Variants in FBXL20 observed in about 807,000 individuals in gnomAD.
FBXL20 encodes F-box/LRR-repeat protein 20.
In FBXL20, 11 loss-of-function variants were observed where a neutral mutation model predicts 64.0. The ratio of observed to expected loss-of-function variants is 0.17; its 90% CI spans 0.11 to 0.28. FBXL20 has a LOEUF of 0.28. FBXL20 is among the 10% of genes least tolerant of loss of function. FBXL20 has a pLI of 1.00. For synonymous variants in FBXL20, 184 were observed against 189.0 expected (o/e 0.97, Z 0.22); for missense variants, 303 against 526.2 (o/e 0.58, Z 4.15).
At position 39,357,476 on chromosome 17, in the gene FBXL20, C is replaced by T. The variant is rs141009881; in HGVS notation, c.43-14235G>A. Among the ~76,000 whole-genome samples the T allele has an allele frequency of 2.4e-4, 36 of 152,194 alleles. No homozygotes were observed. In the East Asian group the frequency reaches 6.2e-3, roughly 26 times the overall value. On this transcript the variant is annotated intron_variant, in intron 1 of 14. Transcript: ENST00000264658. ...TCTGTATGTTTTCTCTGTCTCATAT[C>T]TTTTGTTCTTCTGTTCCTTTTATAT...
chr17:39,341,612 CCTT>C (rs1329162792), intron 2 of FBXL20, among the ~76,000 whole-genome samples: 2 of 152,148 alleles, frequency 1.3e-5, no homozygotes, highest in Admixed American at 6.6e-5. Flanking sequence ...TTCATATACT[CCTT>C]CTCCCATATA....
intron 6 of FBXL20, among the ~76,000 whole-genome samples, chr17:39,287,262 T>C (rs2046997523): frequency 1.3e-5 from 2 of 152,158 alleles, no homozygotes; most frequent in South Asian, 4.1e-4. Flanking sequence ...TATCATCTGA[T>C]ACTGAAATGT....
At chr17:39,315,841 G>C (rs950282162) in intron 2 of FBXL20, among the ~76,000 whole-genome samples, 4 of 84,726 alleles carry the variant, frequency 4.7e-5, no homozygotes, top group South Asian at 2.6e-4. Context: ...GAGAGAGAGA[G>C]AGAGAGAGAG....
rs149077754 is a variant in FBXL20, at chr17:39,359,341, C to T, written c.43-16100G>A. Among the ~76,000 whole-genome samples, 247 of 151,942 alleles carry T rather than the reference C, an allele frequency of 1.6e-3. 2 individuals carry two copies. Among genetic ancestry groups the T allele is most frequent in the South Asian group, 7.1e-3 (34 of 4,812 alleles). ...TGGGTGACACAGCAAGATCCTGTCT[C>T]AAAAACAAACAACAGAGGTGGGCCT... On this transcript the variant is annotated intron_variant, in intron 1 of 14. Coordinates refer to ENST00000264658, the MANE Select transcript of FBXL20 (RefSeq NM_032875.3).
chr17:39,304,914 G>A (rs762562720), intron 2 of FBXL20, among the ~76,000 whole-genome samples: 2 of 151,886 alleles, frequency 1.3e-5, no homozygotes, highest in African/African-American at 2.4e-5. Context: ...CCACTACCAC[G>A]CCCGGGTAAT....
intron 10 of FBXL20, among the ~76,000 whole-genome samples, chr17:39,271,468 G>A (rs2046842650): frequency 6.6e-6 from 1 of 151,854 alleles, no homozygotes; most frequent in Non-Finnish European, 1.5e-5. Context: ...CGTGGTGGCG[G>A]GTGCCTGTAG....
chr17:39,315,566 G>A (rs2047279317), intron 2 of FBXL20, among the ~76,000 whole-genome samples: 1 of 151,608 alleles, frequency 6.6e-6, no homozygotes, highest in Admixed American at 6.6e-5. Flanking sequence ...ACAATACGTC[G>A]GAGTCCAAGC....
chr17:39,264,154 G>A (rs190334720), intron 14 of FBXL20, 21 bp downstream of exon 14: 1 of 1,609,414 alleles, frequency 6.2e-7, no homozygotes, highest in Non-Finnish European at 8.5e-7. Context: ...TAGAGTTGGA[G>A]AGTTATGTAG....
chr17:39,327,686 A>T (rs139906186), intron 2 of FBXL20, among the ~76,000 whole-genome samples: 13 of 152,188 alleles, frequency 8.5e-5, no homozygotes, highest in Non-Finnish European at 1.5e-4. Context: ...ACAACCAAAC[A>T]TGTATTTCTT....
intron 1 of FBXL20, among the ~76,000 whole-genome samples, chr17:39,391,219 C>G (rs1466239814): frequency 2.0e-5 from 3 of 148,012 alleles, no homozygotes; most frequent in Non-Finnish European, 4.5e-5. Context: ...GAGTTGGAAA[C>G]CAGCCTGGGC....
chr17:39,347,160 T>C (rs1343247462), intron 1 of FBXL20, among the ~76,000 whole-genome samples: 1 of 152,224 alleles, frequency 6.6e-6, no homozygotes, highest in Non-Finnish European at 1.5e-5. Context: ...TACATGTGCA[T>C]GTGTCTTTAT....
chr17:39,394,961 G>C (rs578118619), intron 1 of FBXL20, among the ~76,000 whole-genome samples: 1 of 152,246 alleles, frequency 6.6e-6, no homozygotes, highest in South Asian at 2.1e-4. Flanking sequence ...TCCTTGGCCT[G>C]TAAGAAAGCA....
intron 10 of FBXL20, among the ~76,000 whole-genome samples, chr17:39,271,560 T>C (rs530564360): frequency 9.8e-5 from 12 of 122,264 alleles, no homozygotes; most frequent in Non-Finnish European, 1.7e-4. Flanking sequence ...ATCCCGCCAC[T>C]GCACTCCAGC....
At chr17:39,355,942 G>C (rs2047734392) in intron 1 of FBXL20, among the ~76,000 whole-genome samples, 1 of 151,742 alleles carries the variant, frequency 6.6e-6, no homozygotes, top group East Asian at 1.9e-4. Context: ...TTGGGCAGGA[G>C]GGGTGGCTCA....
chr17:39,269,384 G>A (rs1425059275), intron 11 of FBXL20, among the ~76,000 whole-genome samples: 2 of 151,794 alleles, frequency 1.3e-5, no homozygotes, highest in African/African-American at 4.8e-5. Flanking sequence ...TAGTAGAGAC[G>A]GGGTTTCACC....
chr17:39,353,830 C>T (rs1389376962), intron 1 of FBXL20, among the ~76,000 whole-genome samples: 2 of 151,958 alleles, frequency 1.3e-5, no homozygotes, highest in African/African-American at 4.8e-5. Context: ...ATCATATTGG[C>T]CAGGATGGTC....
At chr17:39,291,427 T>C (rs887482573) in intron 6 of FBXL20, among the ~76,000 whole-genome samples, 1 of 145,314 alleles carries the variant, frequency 6.9e-6, no homozygotes, top group African/African-American at 2.6e-5. Flanking sequence ...ATTTTAAAAC[T>C]TTTCTTTTTT....
rs143397949 is a variant in FBXL20, at chr17:39,400,423, T to C, written c.42+938A>G. On this transcript the variant is annotated intron_variant, in intron 1 of 14. Transcript: ENST00000264658. ...AGATGAAGAAAAACACCGAGTGAGA[T>C]TGTCCACTGAGCTGTGAGTGATCCC... Among the ~76,000 whole-genome samples, 206 of 152,350 alleles carry C rather than the reference T, an allele frequency of 1.4e-3. 1 individual carries two copies. Among genetic ancestry groups the C allele is most frequent in the Middle Eastern group, 6.8e-3 (2 of 294 alleles).
intron 1 of FBXL20, among the ~76,000 whole-genome samples, chr17:39,357,375 C>T (rs1400995644): frequency 6.6e-6 from 1 of 151,812 alleles, no homozygotes; most frequent in Non-Finnish European, 1.5e-5. Flanking sequence ...TTTCTAGACT[C>T]TCAATACTGT....
Sources: allele counts gnomAD v4.1 joint callset (sites outside exome capture counted in the v4.1 genomes callset), GRCh38; gene constraint gnomAD v4.1.1; transcripts MANE v1.5; gene names NCBI Gene and HGNC (gene_info 2026-07-23, HGNC 2026-07-21).